Variants in OSBPL8 observed in about 807,000 individuals in gnomAD.
The protein encoded by OSBPL8 is oxysterol-binding protein-related protein 8.
OSBPL8 carries 59 observed loss-of-function variants against 125.5 expected under a neutral mutation model. The observed-to-expected ratio is 0.47, with a 90% CI of 0.38 to 0.58. OSBPL8 has a LOEUF of 0.58. Ranked by LOEUF, OSBPL8 falls within the 20% of genes least tolerant of loss-of-function variation. The pLI is 0.00. For missense variants in OSBPL8, 758 were observed against 1,047.8 expected, an observed-to-expected ratio of 0.72 and a Z score of 3.82; for synonymous variants, 330 against 338.9, an observed-to-expected ratio of 0.97 and a Z score of 0.29.
At chr12:76,447,846 C>T (rs538940102) in intron 4 of OSBPL8, among the ~76,000 whole-genome samples, 54 of 152,286 alleles carry the variant, frequency 3.5e-4, no homozygotes, top group African/African-American at 1.3e-3. Flanking sequence ...TGCACCCGGT[C>T]AGCCAAGTTT....
chr12:76,557,885 T>C (rs1307389979), intron 1 of OSBPL8, among the ~76,000 whole-genome samples: 1 of 152,114 alleles, frequency 6.6e-6, no homozygotes, highest in South Asian at 2.1e-4. Flanking sequence ...TTTCCACAGA[T>C]CAGAGATTCA....
intron 1 of OSBPL8, among the ~76,000 whole-genome samples, chr12:76,489,414 T>C (rs964561063): frequency 6.6e-6 from 1 of 152,190 alleles, no homozygotes; most frequent in African/African-American, 2.4e-5. Flanking sequence ...CTGACTCTCT[T>C]GTTAGGGGCT....
rs553502309 is a variant in OSBPL8, at chr12:76,366,932, G to A, written c.2328+2282C>T. Reference sequence around the variant, plus strand: ...ATGCCTCAACCAACTGAGTAGCTGGGATTTACTGAGACACGTCATATGGCA... The same window carrying A: ...ATGCCTCAACCAACTGAGTAGCTGGAATTTACTGAGACACGTCATATGGCA... On this transcript the variant is annotated intron_variant, in intron 21 of 23. Coordinates refer to ENST00000261183, the MANE Select transcript of OSBPL8 (RefSeq NM_020841.5). Among the ~76,000 whole-genome samples the A allele has an allele frequency of 1.4e-4, 21 of 152,224 alleles. 1 individual carries two copies. In the South Asian group the frequency reaches 4.3e-3, roughly 32 times the overall value.
At chr12:76,431,104 A>T (rs1486210544) in intron 4 of OSBPL8, among the ~76,000 whole-genome samples, 1 of 152,194 alleles carries the variant, frequency 6.6e-6, no homozygotes, top group Non-Finnish European at 1.5e-5. Flanking sequence ...ATGTGACATC[A>T]ATTACATAAG....
intron 4 of OSBPL8, among the ~76,000 whole-genome samples, chr12:76,413,732 G>A (rs1192314012): frequency 1.3e-5 from 2 of 151,786 alleles, no homozygotes; most frequent in Non-Finnish European, 2.9e-5. Context: ...CATGTTAATT[G>A]GCTAATTTCC....
intron 2 of OSBPL8, among the ~76,000 whole-genome samples, chr12:76,460,609 G>A (rs1460185131): frequency 6.6e-6 from 1 of 152,044 alleles, no homozygotes. Context: ...AATGGTCTTT[G>A]GGAAGTCAGA....
intron 15 of OSBPL8, among the ~76,000 whole-genome samples, chr12:76,381,699 T>C (rs753837065): frequency 9.9e-5 from 15 of 152,136 alleles, no homozygotes; most frequent in Non-Finnish European, 2.1e-4. Flanking sequence ...TTGCATAGTT[T>C]AGCTTTTAAC....
intron 4 of OSBPL8, among the ~76,000 whole-genome samples, chr12:76,433,591 GAATT>G (rs1871104735): frequency 6.6e-6 from 1 of 152,042 alleles, no homozygotes; most frequent in African/African-American, 2.4e-5. Flanking sequence ...TGGATCAGAA[GAATT>G]AATATTGTTA....
At chr12:76,530,808 T>C (rs1055974881) in intron 1 of OSBPL8, among the ~76,000 whole-genome samples, 2 of 152,096 alleles carry the variant, frequency 1.3e-5, no homozygotes, top group African/African-American at 4.8e-5. Context: ...TATAGTATAA[T>C]AAAGCAATAA....
Position 76,381,085 on chromosome 12 carries a change from C to A in OSBPL8, c.1631-2535G>T, listed in dbSNP as rs545918270. Among the ~76,000 whole-genome samples the A allele has an allele frequency of 5.9e-5, 9 of 152,156 alleles. No individual in the cohort carries two copies. In the South Asian group the frequency reaches 6.2e-4, roughly 11 times the overall value. ...ATAAAATCCATTTCATCATATTATT[C>A]TTTTAATATACTGATCATGATACCT... On this transcript the variant is annotated intron_variant, in intron 15 of 23. Transcript: ENST00000261183.
chr12:76,557,906 T>C (rs1336063246), intron 1 of OSBPL8, among the ~76,000 whole-genome samples: 1 of 152,194 alleles, frequency 6.6e-6, no homozygotes, highest in Non-Finnish European at 1.5e-5. Context: ...ATAACTATTA[T>C]GATTCAATCA....
At chr12:76,394,188 G>GT (rs1427882097) in intron 9 of OSBPL8, among the ~76,000 whole-genome samples, 2 of 152,012 alleles carry the variant, frequency 1.3e-5, no homozygotes, top group Admixed American at 1.3e-4. Flanking sequence ...TATCATTTAA[G>GT]TTTTTCTCTC....
At chr12:76,457,383 AAAG>A (rs1449441991) in intron 3 of OSBPL8, among the ~76,000 whole-genome samples, 1 of 152,218 alleles carries the variant, frequency 6.6e-6, no homozygotes, top group African/African-American at 2.4e-5. Context: ...TGTATATTTT[AAAG>A]TAGTAAGAAA....
intron 2 of OSBPL8, 133 bp downstream of exon 2, chr12:76,487,377 G>A (rs1233440282): frequency 1.1e-5 from 7 of 640,428 alleles, no homozygotes; most frequent in Non-Finnish European, 1.8e-5. Context: ...TAATTCTCAA[G>A]GAGTTAAAGC....
intron 1 of OSBPL8, among the ~76,000 whole-genome samples, chr12:76,517,676 A>AT (rs1314736843): frequency 6.6e-6 from 1 of 152,224 alleles, no homozygotes; most frequent in African/African-American, 2.4e-5. Context: ...TTGGGTTCAT[A>AT]GTTCTACCGG....
intron 22 of OSBPL8, 77 bp downstream of exon 22, chr12:76,358,629 T>C (rs1370670333): frequency 3.5e-5 from 45 of 1,274,776 alleles, no homozygotes; most frequent in African/African-American, 6.0e-5. Flanking sequence ...TGAGTTAATA[T>C]GAAAAACCAT....
chr12:76,352,984 T>C lies in OSBPL8; in HGVS notation c.*2905A>G, dbSNP rs1347136897. ...ATAGTATTATTGTTTAAATATACTA[T>C]AGCTATATAAAAAGAAAGTAACACA... On this transcript the variant is annotated 3_prime_UTR_variant, in exon 24 of 24. Coordinates refer to ENST00000261183, the MANE Select transcript of OSBPL8 (RefSeq NM_020841.5). The C allele has an allele frequency of 6.6e-6, 1 of 152,462 alleles. No homozygotes were observed. Among genetic ancestry groups the C allele is most frequent in the Non-Finnish European group, 1.5e-5 (1 of 67,894 alleles). The allele number at this position is 152,462 out of a possible 1,614,324, so 9.4% of individuals were successfully genotyped here. A position where few individuals can be genotyped will look rare whatever the true frequency, so the allele number is the denominator to read the frequency against.
At chr12:76,487,390 T>C in intron 2 of OSBPL8, 120 bp downstream of exon 2, 1 of 739,922 alleles carries the variant, frequency 1.4e-6, no homozygotes. Flanking sequence ...GTTAAAGCAT[T>C]ATTTTAAAAA....
chr12:76,457,221 T>A (rs1377628309), intron 3 of OSBPL8, among the ~76,000 whole-genome samples: 1 of 152,228 alleles, frequency 6.6e-6, no homozygotes, highest in Non-Finnish European at 1.5e-5. Flanking sequence ...TAGAAAATTA[T>A]TACAGTAGTA....
Sources: allele counts gnomAD v4.1 joint callset (sites outside exome capture counted in the v4.1 genomes callset), GRCh38; gene constraint gnomAD v4.1.1; transcripts MANE v1.5; gene names NCBI Gene and HGNC (gene_info 2026-07-23, HGNC 2026-07-21).